AMDHD2: variants seen among roughly 807,000 people sequenced by gnomAD.
AMDHD2 encodes amidohydrolase domain containing 2, also known as N-acetylglucosamine-6-phosphate deacetylase.
AMDHD2 carries 24 observed loss-of-function variants against 41.8 expected under a neutral mutation model. That is an observed-to-expected ratio of 0.57 (90% CI 0.42 to 0.81). AMDHD2 has a LOEUF of 0.81. Among genes scored for constraint, AMDHD2 ranks in the 30% least tolerant of loss-of-function variants. The pLI, the probability that AMDHD2 is intolerant of heterozygous loss-of-function variation, is 0.00. For synonymous variants in AMDHD2, 332 were observed against 255.5 expected (o/e 1.30, Z -2.85); for missense variants, 540 against 588.5 (o/e 0.92, Z 0.85).
At position 2,520,944 on chromosome 16, in the gene AMDHD2, C is replaced by T. The variant is rs757108123; in HGVS notation, c.220+39C>T. The T allele has an allele frequency of 1.4e-5, 22 of 1,597,196 alleles. No individual in the cohort carries two copies. The Admixed American group carries it at 2.0e-4, about 15-fold the overall frequency. On this transcript the variant is annotated intron_variant, in intron 2 of 10. Transcript: ENST00000293971. ...CCGGCAGGGGAACCCAGGGGAGGAG[C>T]TCTGAGCTCCATGCGACACTTCCTT...
intron 3 of AMDHD2, among the ~76,000 whole-genome samples, chr16:2,525,209 G>A (rs933284134): frequency 6.0e-5 from 9 of 150,064 alleles, no homozygotes; most frequent in East Asian, 6.0e-4. Context: ...AGCACCTGCC[G>A]CCATGCCCTG....
At chr16:2,529,297 G>A (rs1408569413) in intron 10 of AMDHD2, 178 bp from the exon 11 acceptor site, 19 of 1,119,610 alleles carry the variant, frequency 1.7e-5, no homozygotes, top group African/African-American at 7.8e-5. Context: ...GGCCAGGCAA[G>A]GGGTTGCAGG....
chr16:2,520,595 G>A (rs1160350426), intron 1 of AMDHD2, 54 bp downstream of exon 1: 381 of 1,198,276 alleles, frequency 3.2e-4, no homozygotes, highest in Non-Finnish European at 3.6e-4. Context: ...TGCAGGGTGC[G>A]GGGCCGGGGA....
Position 2,530,780 on chromosome 16 carries a change from A to C in AMDHD2, c.*1217A>C, listed in dbSNP as rs1567135159. 6.2e-7 allele frequency: 1 copy of C among 1,613,686 alleles called. No individual in the cohort carries two copies. The highest frequency in any genetic ancestry group is 1.7e-5 in the Admixed American group (1 of 60,014). On this transcript the variant is annotated 3_prime_UTR_variant, in exon 11 of 11. Transcript: ENST00000293971. ...CCTGAGGGAGGGCCTGGGGCAGGGC[A>C]CAAGGGGTTGATCTCAGCCCACAAG...
At chr16:2,528,942 G>A in intron 9 of AMDHD2, 52 bp from the exon 10 acceptor site, 4 of 1,536,026 alleles carry the variant, frequency 2.6e-6, no homozygotes, top group Non-Finnish European at 3.5e-6. Flanking sequence ...GGGGGCTGTT[G>A]GCAAAGCCAT....
In AMDHD2 at chr16:2,530,193, T is replaced by G. The variant is rs550001679; in HGVS notation, c.*630T>G. The G allele has an allele frequency of 3.1e-5, 46 of 1,494,952 alleles. 1 individual carries two copies. In the South Asian group the frequency reaches 5.9e-4, roughly 19 times the overall value. 92.6% of individuals were successfully genotyped at this position (1,494,952 alleles called of 1,614,324 possible). A position where few individuals can be genotyped will look rare whatever the true frequency, so the allele number is the denominator to read the frequency against. ...GCTCCCTGGACTGCCTAGCCCTGAG[T>G]GCCACGGATGACCAGCGTTCTGTTT... On this transcript the variant is annotated 3_prime_UTR_variant, in exon 11 of 11. Transcript: ENST00000293971.
Position 2,529,543 on chromosome 16 carries a change from G to A in AMDHD2, c.1210G>A (p.Ala404Thr). 6.2e-7 allele frequency: 1 copy of A among 1,609,420 alleles called. No individual in the cohort carries two copies. The highest frequency in any genetic ancestry group is 8.5e-7 in the Non-Finnish European group (1 of 1,179,896). The change falls in exon 11 of 11, where the codon GCG becomes ACG. Residue 404 changes from alanine to threonine, a missense_variant. Physicochemically the swap from Ala to Thr is moderately conservative, Grantham distance 58. Transcript: ENST00000293971. ...TYISGELVWQADAARQ is the reference protein window; with the variant it reads ...TYISGELVWQTDAARQ ...CATCTCGGGTGAGCTGGTGTGGCAG[G>A]CGGACGCAGCTAGGCAGTGACAAGG...
At chr16:2,528,424 AG>A in intron 7 of AMDHD2, 27 bp from the exon 8 acceptor site, 1 of 1,612,766 alleles carries the variant, frequency 6.2e-7, no homozygotes, top group Non-Finnish European at 8.5e-7. Context: ...TGACTGGGCT[AG>A]CAGGTTCTGA....
rs1347743071 is a variant in AMDHD2, at chr16:2,520,830, C to T, written c.145C>T (p.Arg49Trp). The T allele has an allele frequency of 1.2e-6, 2 of 1,611,388 alleles. No homozygotes were observed. Among genetic ancestry groups the T allele is most frequent in the Non-Finnish European group, 1.7e-6 (2 of 1,179,326 alleles). Residue 49 changes from arginine to tryptophan, a missense_variant, in exon 2 of 11, where the codon CGG becomes TGG. Transcript: ENST00000293971. Reference sequence around the variant, plus strand: ...CCCAGAGAAGCTGTTCTTTGAGGAGCGGCGCGTGGCCGACGAGCGGCGGGA... The same window carrying T: ...CCCAGAGAAGCTGTTCTTTGAGGAGTGGCGCGTGGCCGACGAGCGGCGGGA... ...LDPEKLFFEE[R>W]RVADERRDCG...
In AMDHD2 at chr16:2,520,800, T is replaced by G. The variant is rs780643701; in HGVS notation, c.115T>G (p.Leu39Val). 1.2e-6 allele frequency: 2 copies of G among 1,608,656 alleles called. No homozygotes were observed. The highest frequency in any genetic ancestry group is 1.7e-6 in the Non-Finnish European group (2 of 1,178,694). The change falls in exon 2 of 11, where the codon TTG becomes GTG. Residue 39 changes from leucine to valine, a missense_variant. Physicochemically the swap from Leu to Val is conservative, Grantham distance 32. Transcript: ENST00000293971. ...EDLWVRGGRI[L>V]DPEKLFFEER... The stretch of plus-strand genomic sequence containing the variant: ...TCTGTGGGTGCGCGGAGGCCGCATC[T>G]TGGACCCAGAGAAGCTGTTCTTTGA...
chr16:2,530,512 CAG>C lies in AMDHD2; in HGVS notation c.*950_*951del, dbSNP rs749951863. On this transcript the variant is annotated 3_prime_UTR_variant, in exon 11 of 11. Transcript: ENST00000293971. ...GTCAGGGATTGGTGCAGCCCCACGT[CAG>C]GGGTGATTGTCTTGACTTTCTCTCC... The C allele has an allele frequency of 1.9e-5, 31 of 1,614,070 alleles. No homozygotes were observed. Among genetic ancestry groups the C allele is most frequent in the Non-Finnish European group, 2.4e-5 (28 of 1,180,016 alleles).
At chr16:2,525,204 C>T (rs2065987858) in intron 3 of AMDHD2, among the ~76,000 whole-genome samples, 1 of 150,912 alleles carries the variant, frequency 6.6e-6, no homozygotes, top group Non-Finnish European at 1.5e-5. Flanking sequence ...TTACAAGCAC[C>T]TGCCGCCATG....
intron 10 of AMDHD2, 177 bp downstream of exon 10, chr16:2,529,272 TG>T: frequency 9.4e-7 from 1 of 1,059,464 alleles, no homozygotes; most frequent in Non-Finnish European, 1.3e-6. Flanking sequence ...CCGGGCTTTC[TG>T]GTGTTGCAGA....
intron 3 of AMDHD2, among the ~76,000 whole-genome samples, chr16:2,522,172 C>T (rs2065949565): frequency 6.6e-6 from 1 of 152,152 alleles, no homozygotes; most frequent in Non-Finnish European, 1.5e-5. Context: ...CAGCCTCATT[C>T]TTCTCTGCTC....
chr16:2,530,284 C>G lies in AMDHD2; in HGVS notation c.*721C>G. ...CCAGTGCTTGCCGGCTGTGGTGACC[C>G]TGCCTGGTGCTGGAGGGCAGTATGG... is the stretch of plus-strand genomic sequence containing the variant. On this transcript the variant is annotated 3_prime_UTR_variant, in exon 11 of 11. Transcript: ENST00000293971. 6.2e-7 allele frequency: 1 copy of G among 1,613,452 alleles called. No homozygotes were observed.
intron 3 of AMDHD2, among the ~76,000 whole-genome samples, chr16:2,522,076 G>A (rs371907661): frequency 1.1e-4 from 17 of 152,134 alleles, no homozygotes; most frequent in African/African-American, 2.9e-4. Flanking sequence ...GAGCCACCGC[G>A]CCCGGCCAGT....
chr16:2,522,186 C>G (rs1039116195), intron 3 of AMDHD2, among the ~76,000 whole-genome samples: 2 of 152,142 alleles, frequency 1.3e-5, no homozygotes, highest in African/African-American at 4.8e-5. Flanking sequence ...TCTGCTCAAG[C>G]GATCCTCTTG....
In AMDHD2 at chr16:2,531,251, G is replaced by A; in HGVS notation, c.*1688G>A. 1 of 779,830 alleles carries A rather than the reference G, an allele frequency of 1.3e-6. No homozygotes were observed. The highest frequency in any genetic ancestry group is 2.0e-6 in the Non-Finnish European group (1 of 490,868). 48.3% of individuals were successfully genotyped at this position (779,830 alleles called of 1,614,324 possible). A position where few individuals can be genotyped will look rare whatever the true frequency, so the allele number is the denominator to read the frequency against. ...GGCTGGCAGAGATGGTTGGTCCACAGGGCTAGCCCTGGGTGGTGGGAGAGG... is the reference window on the plus strand; with the variant it reads ...GGCTGGCAGAGATGGTTGGTCCACAAGGCTAGCCCTGGGTGGTGGGAGAGG... On this transcript the variant is annotated 3_prime_UTR_variant, in exon 11 of 11. Transcript: ENST00000293971.
intron 3 of AMDHD2, among the ~76,000 whole-genome samples, chr16:2,525,901 A>T (rs2065998231): frequency 6.6e-6 from 1 of 151,852 alleles, no homozygotes; most frequent in East Asian, 1.9e-4. Flanking sequence ...CTGGTCTCAA[A>T]CTCCTGACCT....
Sources: allele counts gnomAD v4.1 joint callset (sites outside exome capture counted in the v4.1 genomes callset), GRCh38; gene constraint gnomAD v4.1.1; transcripts MANE v1.5; gene names NCBI Gene and HGNC (gene_info 2026-07-23, HGNC 2026-07-21).